Variants in LRP1B observed in about 807,000 individuals in gnomAD.
LRP1B encodes LDL receptor related protein 1B.
In LRP1B, 217 loss-of-function variants were observed where a neutral mutation model predicts 556.6. The ratio of observed to expected loss-of-function variants is 0.39; its 90% CI spans 0.35 to 0.44. The LOEUF is 0.44. Ranked by LOEUF, LRP1B falls within the 20% of genes least tolerant of loss-of-function variation. The pLI, the probability that LRP1B is intolerant of heterozygous loss-of-function variation, is 1.00. For synonymous variants in LRP1B, 2,047 were observed against 1,865.8 expected, an observed-to-expected ratio of 1.10 and a Z score of -2.50; for missense variants, 5,053 against 5,620.8, an observed-to-expected ratio of 0.90 and a Z score of 3.23.
intron 3 of LRP1B, among the ~76,000 whole-genome samples, chr2:141,329,691 C>T (rs72981244): frequency 0.041 from 6,104 of 149,368 alleles, 449 homozygotes; most frequent in African/African-American, 0.14. Flanking sequence ...TCTATCTGTT[C>T]GAGGCTTAGG....
chr2:140,864,967 C>T (rs1692905575), intron 27 of LRP1B, among the ~76,000 whole-genome samples: 1 of 151,990 alleles, frequency 6.6e-6, no homozygotes, highest in Non-Finnish European at 1.5e-5. Context: ...ATTAATAAAT[C>T]ATATGTTTAG....
chr2:140,478,189 G>T, intron 59 of LRP1B, among the ~76,000 whole-genome samples: 1 of 116,350 alleles, frequency 8.6e-6, no homozygotes, highest in South Asian at 2.8e-4. Context: ...TCGCTCTGTT[G>T]CCCACGCTGG....
chr2:141,808,965 G>T (rs1309794422), intron 2 of LRP1B, among the ~76,000 whole-genome samples: 3 of 151,994 alleles, frequency 2.0e-5, no homozygotes, highest in African/African-American at 7.3e-5. Flanking sequence ...CTCTATATGG[G>T]TTTATCACAA....
In LRP1B at chr2:140,652,349, C is replaced by G. The variant is rs191965455; in HGVS notation, c.6799+47901G>C. On this transcript the variant is annotated intron_variant, in intron 41 of 90. Coordinates refer to ENST00000389484, the MANE Select transcript of LRP1B (RefSeq NM_018557.3). ...CTGAATTATAAAATGACTAAATACA[C>G]TAGAATAAAGGAAGTTATCAAAGAT... Among the ~76,000 whole-genome samples, 60 of 151,988 alleles carry G rather than the reference C, an allele frequency of 3.9e-4. 1 individual carries two copies. Among genetic ancestry groups the G allele is most frequent in the African/African-American group, 1.3e-3 (53 of 41,494 alleles).
At chr2:140,346,769 A>G (rs77511141) in intron 77 of LRP1B, among the ~76,000 whole-genome samples, 3,080 of 152,072 alleles carry the variant, frequency 0.02, 33 homozygotes, top group African/African-American at 0.028. Flanking sequence ...TGAGGTTTAT[A>G]AATAGAACTT....
chr2:141,880,451 G>T (rs928782628), intron 1 of LRP1B, among the ~76,000 whole-genome samples: 2 of 151,686 alleles, frequency 1.3e-5, no homozygotes, highest in African/African-American at 4.8e-5. Context: ...AAATGATTAT[G>T]TCACATATAT....
intron 84 of LRP1B, among the ~76,000 whole-genome samples, chr2:140,278,313 T>G (rs1682770583): frequency 6.6e-6 from 1 of 152,034 alleles, no homozygotes. Flanking sequence ...TTGTAATATT[T>G]AATTGAACTG....
Position 140,318,954 on chromosome 2 carries a change from G to T in LRP1B, c.12640+3009C>A, listed in dbSNP as rs184405151. Among the ~76,000 whole-genome samples, 9 of 152,186 alleles carry T rather than the reference G, an allele frequency of 5.9e-5. No individual in the cohort carries two copies. In the East Asian group the frequency reaches 1.4e-3, roughly 23 times the overall value. On this transcript the variant is annotated intron_variant, in intron 82 of 90. Transcript: ENST00000389484. ...AATGTCAGTGGTAGTAATATTAGTA[G>T]TATTTATTGTTAATTTGATGTTATA... is the stretch of plus-strand genomic sequence containing the variant.
At chr2:140,571,864 AT>A (rs965427641) in intron 43 of LRP1B, among the ~76,000 whole-genome samples, 1 of 151,798 alleles carries the variant, frequency 6.6e-6, no homozygotes. Context: ...CAGCCAACTC[AT>A]TTTTGACAAA....
intron 7 of LRP1B, among the ~76,000 whole-genome samples, chr2:141,140,285 G>A (rs931264857): frequency 3.3e-5 from 5 of 151,932 alleles, no homozygotes; most frequent in Admixed American, 6.6e-5. Context: ...ATTTCATCAC[G>A]TCTTTCAACC....
At chr2:141,138,026 T>C (rs759334406) in intron 7 of LRP1B, among the ~76,000 whole-genome samples, 2 of 151,902 alleles carry the variant, frequency 1.3e-5, no homozygotes, top group Admixed American at 6.6e-5. Flanking sequence ...AAAATTTAGA[T>C]CCAAGATTTC....
At chr2:141,746,916 A>G (rs1370155238) in intron 2 of LRP1B, among the ~76,000 whole-genome samples, 2 of 152,192 alleles carry the variant, frequency 1.3e-5, no homozygotes, top group South Asian at 2.1e-4. Context: ...ATGCTTGCAA[A>G]TAACAATGAC....
intron 25 of LRP1B, among the ~76,000 whole-genome samples, chr2:140,875,807 G>C (rs369964292): frequency 2.0e-5 from 3 of 152,012 alleles, no homozygotes; most frequent in East Asian, 3.9e-4. Flanking sequence ...TATGTTATTG[G>C]TATGTGTTCA....
chr2:140,353,894 T>C (rs1233751550), intron 75 of LRP1B, among the ~76,000 whole-genome samples: 2 of 152,062 alleles, frequency 1.3e-5, no homozygotes, highest in African/African-American at 4.8e-5. Context: ...AAGGGCTGTA[T>C]TGAGGTTATG....
At chr2:141,982,627 G>A (rs1046990744) in intron 1 of LRP1B, among the ~76,000 whole-genome samples, 3 of 152,156 alleles carry the variant, frequency 2.0e-5, no homozygotes, top group African/African-American at 7.2e-5. Context: ...AAATATTGAA[G>A]TATTATGTAT....
rs574554728 is a variant in LRP1B at position 141,936,909 on chromosome 2, T to G, written c.83-126508A>C. 4.0e-5 allele frequency among the ~76,000 whole-genome samples: 6 copies of G among 151,894 alleles called. No homozygotes were observed. In the East Asian group the frequency reaches 9.7e-4, roughly 24 times the overall value. On this transcript the variant is annotated intron_variant, in intron 1 of 90. Transcript: ENST00000389484. ...TTAATAAAGCAAACACACATTAGTT[T>G]TTTTTTTTTTCACTTTCCACCATAG...
chr2:141,291,926 A>C (rs1008249295), intron 3 of LRP1B, among the ~76,000 whole-genome samples: 2 of 151,326 alleles, frequency 1.3e-5, no homozygotes, highest in African/African-American at 4.9e-5. Context: ...TTATTGTAAA[A>C]AGATCCCTTT....
intron 3 of LRP1B, among the ~76,000 whole-genome samples, chr2:141,355,541 CTTA>C (rs201084415): frequency 0.044 from 6,748 of 152,074 alleles, 240 homozygotes; most frequent in African/African-American, 0.082. Flanking sequence ...ATGTAACAGT[CTTA>C]TTAAGAACTG....
At position 140,364,720 on chromosome 2, in the gene LRP1B, C is replaced by A. The variant is rs757305272; in HGVS notation, c.11072G>T (p.Trp3691Leu). ...ACAGTCGTCCTCTCCATCACACACC[C>A]AGAAATGTAGTTTGCAGAGAGAATT... ...CNNSLCKLHF[W>L]VCDGEDDCGD... Residue 3691 changes from tryptophan to leucine, a missense_variant, in exon 72 of 91, where the codon TGG (tryptophan) becomes TTG (leucine). Transcript: ENST00000389484. 17 of 1,610,336 alleles carry A rather than the reference C, an allele frequency of 1.1e-5. No individual in the cohort carries two copies. The East Asian group carries it at 3.6e-4, about 34-fold the overall frequency.
Sources: gnomAD v4.1 joint callset for allele counts (sites outside exome capture counted in the v4.1 genomes callset) on GRCh38, gnomAD v4.1.1 for gene constraint, MANE v1.5 for transcripts, NCBI Gene and HGNC (gene_info 2026-07-23, HGNC 2026-07-21) for gene names.